CNTNAP5: variants seen among roughly 807,000 people sequenced by gnomAD.
CNTNAP5 encodes the protein contactin-associated protein-like 5.
In CNTNAP5, 72 loss-of-function variants were observed where a neutral mutation model predicts 150.2. The ratio of observed to expected loss-of-function variants is 0.48; its 90% CI spans 0.40 to 0.58. The LOEUF is 0.58. Among genes scored for constraint, CNTNAP5 ranks in the 20% least tolerant of loss-of-function variants. The pLI, the probability that CNTNAP5 is intolerant of heterozygous loss-of-function variation, is 0.00. For missense variants in CNTNAP5, 1,636 were observed against 1,626.2 expected (o/e 1.01, Z -0.10); for synonymous variants, 672 against 619.8 (o/e 1.08, Z -1.25).
chr2:124,393,251 C>T (rs1198735752), intron 3 of CNTNAP5, among the ~76,000 whole-genome samples: 1 of 152,116 alleles, frequency 6.6e-6, no homozygotes, highest in African/African-American at 2.4e-5. Flanking sequence ...GACAATTAGC[C>T]AACCCACCGT....
intron 1 of CNTNAP5, among the ~76,000 whole-genome samples, chr2:124,201,060 A>C (rs893750731): frequency 2.0e-5 from 3 of 152,212 alleles, no homozygotes; most frequent in African/African-American, 7.2e-5. Flanking sequence ...TGGGCCACCC[A>C]TCACAAGTGC....
At chr2:124,487,265 C>A (rs151216451) in intron 7 of CNTNAP5, among the ~76,000 whole-genome samples, 2 of 152,294 alleles carry the variant, frequency 1.3e-5, no homozygotes, top group African/African-American at 4.8e-5. Flanking sequence ...TAAATATCTT[C>A]TCTTTAAAAA....
intron 3 of CNTNAP5, among the ~76,000 whole-genome samples, chr2:124,384,771 C>T (rs75517199): frequency 4.2e-3 from 634 of 152,278 alleles, no homozygotes; most frequent in African/African-American, 0.015. Context: ...TTTGTTCTTC[C>T]TCTGTTATCT....
chr2:124,758,674 G>A (rs1196715225), intron 14 of CNTNAP5, among the ~76,000 whole-genome samples: 4 of 152,012 alleles, frequency 2.6e-5, no homozygotes, highest in Non-Finnish European at 5.9e-5. Context: ...AGAAAATTTG[G>A]CTCTGAAGAG....
chr2:124,872,917 T>C (rs919817187), intron 21 of CNTNAP5, among the ~76,000 whole-genome samples: 1 of 152,124 alleles, frequency 6.6e-6, no homozygotes, highest in Non-Finnish European at 1.5e-5. Context: ...AGCAAGGTAC[T>C]ACAGACAACT....
chr2:124,520,033 A>C (rs137957854), intron 8 of CNTNAP5, among the ~76,000 whole-genome samples: 1 of 152,212 alleles, frequency 6.6e-6, no homozygotes, highest in Non-Finnish European at 1.5e-5. Flanking sequence ...AAAAACACTG[A>C]AAATTCCAGT....
intron 1 of CNTNAP5, among the ~76,000 whole-genome samples, chr2:124,081,588 T>C (rs953112241): frequency 2.0e-5 from 3 of 152,146 alleles, no homozygotes; most frequent in African/African-American, 7.2e-5. Context: ...TTCTAGAAAA[T>C]GTGAATGAAT....
chr2:124,189,601 A>G (rs1687439843), intron 1 of CNTNAP5, among the ~76,000 whole-genome samples: 1 of 152,126 alleles, frequency 6.6e-6, no homozygotes, highest in South Asian at 2.1e-4. Flanking sequence ...GCCATGCATA[A>G]TCTTCATTAA....
intron 3 of CNTNAP5, among the ~76,000 whole-genome samples, chr2:124,242,701 T>A (rs532680224): frequency 2.0e-5 from 3 of 152,264 alleles, no homozygotes; most frequent in Non-Finnish European, 4.4e-5. Context: ...TACCAAAAAG[T>A]ACGATTATTA....
intron 1 of CNTNAP5, among the ~76,000 whole-genome samples, chr2:124,206,553 T>G (rs1021411903): frequency 6.6e-6 from 1 of 152,094 alleles, no homozygotes; most frequent in African/African-American, 2.4e-5. Flanking sequence ...ATTCTGGAGG[T>G]CTGAGTGGGC....
chr2:124,070,942 A>G (rs1055058637), intron 1 of CNTNAP5, among the ~76,000 whole-genome samples: 2 of 152,074 alleles, frequency 1.3e-5, no homozygotes, highest in Admixed American at 6.6e-5. Flanking sequence ...TAGACCATAT[A>G]GTAGACCTCA....
At chr2:124,722,846 A>C (rs1444672862) in intron 13 of CNTNAP5, among the ~76,000 whole-genome samples, 1 of 152,182 alleles carries the variant, frequency 6.6e-6, no homozygotes, top group African/African-American at 2.4e-5. Flanking sequence ...GCTTGCAGCT[A>C]GATAGCTCTA....
chr2:124,903,420 G>A (rs1678456055), intron 22 of CNTNAP5, among the ~76,000 whole-genome samples: 1 of 152,022 alleles, frequency 6.6e-6, no homozygotes. Flanking sequence ...ACTGCTCCGA[G>A]AATTGAGGTA....
chr2:124,815,838 G>A (rs1326478847), intron 19 of CNTNAP5, among the ~76,000 whole-genome samples: 2 of 151,978 alleles, frequency 1.3e-5, no homozygotes, highest in Non-Finnish European at 2.9e-5. Context: ...TTATCCTCCA[G>A]TAAGAACTGT....
chr2:124,162,806 G>A (rs183970603), intron 1 of CNTNAP5, among the ~76,000 whole-genome samples: 114 of 152,002 alleles, frequency 7.5e-4, no homozygotes, highest in African/African-American at 2.7e-3. Flanking sequence ...TCATAATAAT[G>A]GCAAGCACAT....
intron 3 of CNTNAP5, among the ~76,000 whole-genome samples, chr2:124,304,986 C>T (rs1003860056): frequency 5.3e-5 from 8 of 151,964 alleles, no homozygotes; most frequent in East Asian, 1.9e-4. Context: ...ACACTGCAGG[C>T]CACATGTGGT....
At chr2:124,742,251 ATTTG>A (rs1213929692) in intron 13 of CNTNAP5, among the ~76,000 whole-genome samples, 3 of 152,156 alleles carry the variant, frequency 2.0e-5, no homozygotes, top group African/African-American at 7.2e-5. Context: ...TTTTCTTTTA[ATTTG>A]TTTGTCAAAT....
chr2:124,317,807 T>C (rs934924216), intron 3 of CNTNAP5, among the ~76,000 whole-genome samples: 2 of 152,128 alleles, frequency 1.3e-5, no homozygotes, highest in Non-Finnish European at 2.9e-5. Context: ...CATACACACG[T>C]AGGTGCACCC....
At chr2:124,913,262 T>C (rs968851983) in intron 23 of CNTNAP5, among the ~76,000 whole-genome samples, 2 of 152,120 alleles carry the variant, frequency 1.3e-5, no homozygotes, top group Non-Finnish European at 2.9e-5. Context: ...CATGCTGAAA[T>C]ACTACATTCA....
Sources: gnomAD v4.1 joint callset for allele counts (sites outside exome capture counted in the v4.1 genomes callset) on GRCh38, gnomAD v4.1.1 for gene constraint, MANE v1.5 for transcripts, NCBI Gene and HGNC (gene_info 2026-07-23, HGNC 2026-07-21) for gene names.